The following ACOT1 variants were observed in gnomAD, a reference collection of about 807,000 sequenced individuals.
ACOT1 encodes the protein acyl-coenzyme A thioesterase 1.
ACOT1 carries 8 observed loss-of-function variants against 15.7 expected under a neutral mutation model. That is an observed-to-expected ratio of 0.51 (90% confidence interval 0.30 to 0.92). The LOEUF (loss-of-function observed/expected upper bound fraction) is 0.92. Ranked by LOEUF, ACOT1 falls within the 40% of genes least tolerant of loss-of-function variation. The pLI, the probability that ACOT1 is intolerant of heterozygous loss-of-function variation, is 0.06. For synonymous variants in ACOT1, 67 were observed against 241.2 expected (o/e 0.28, Z 6.69); for missense variants, 151 against 539.4 (o/e 0.28, Z 7.13).
the ACOT1 span, chr14:73,491,615 C>G: frequency 7.1e-6 from 11 of 1,547,276 alleles, no homozygotes; most frequent in Non-Finnish European, 7.0e-6. Context: ...CAGCAGCCGG[C>G]GGCGAGCGGC....
At chr14:73,510,423 T>A in the ACOT1 span, among the ~76,000 whole-genome samples, 4 of 145,094 alleles carry the variant, frequency 2.8e-5, no homozygotes, top group Non-Finnish European at 6.1e-5. Context: ...TTGGCTGGAG[T>A]TTTTTTGTTT....
the ACOT1 span, chr14:73,498,349 A>G: frequency 3.8e-6 from 6 of 1,587,716 alleles, no homozygotes; most frequent in South Asian, 6.7e-5. Context: ...CCAAAGCTGC[A>G]GAGATTAGAG....
chr14:73,498,368 G>A, the ACOT1 span: 1 of 1,557,722 alleles, frequency 6.4e-7, no homozygotes, highest in South Asian at 1.2e-5. Context: ...AGGGCAGCAT[G>A]TCACTGAAGA....
the ACOT1 span, among the ~76,000 whole-genome samples, chr14:73,498,576 A>G: frequency 1.3e-5 from 2 of 152,238 alleles, no homozygotes; most frequent in Non-Finnish European, 2.9e-5. Flanking sequence ...GAAATATAGA[A>G]CAAATAACAT....
At chr14:73,501,376 C>T in the ACOT1 span, among the ~76,000 whole-genome samples, 3 of 151,968 alleles carry the variant, frequency 2.0e-5, no homozygotes, top group African/African-American at 7.2e-5. Flanking sequence ...CTGCCCGCCT[C>T]GGCCTCCCAA....
upstream of ACOT1, among the ~76,000 whole-genome samples, chr14:73,536,963 C>T (rs1322836752): frequency 4.1e-5 from 4 of 98,594 alleles, 2 homozygotes; most frequent in Non-Finnish European, 8.9e-5. Flanking sequence ...AGCCTGGAGA[C>T]TGCTAGCTGC....
the ACOT1 span, among the ~76,000 whole-genome samples, chr14:73,504,052 G>T: frequency 6.6e-6 from 1 of 151,754 alleles, no homozygotes; most frequent in Non-Finnish European, 1.5e-5. Context: ...GATTGAGCTG[G>T]CTTAAGATGA....
chr14:73,541,839 G>A (rs1355726134), intron 2 of ACOT1, 144 bp downstream of exon 2: 1 of 590,998 alleles, frequency 1.7e-6, no homozygotes, highest in African/African-American at 2.0e-5. Flanking sequence ...CTTATAGACA[G>A]TTTCTTTCTT....
In ACOT1 at chr14:73,538,483, G is replaced by T. The variant is rs572466214; in HGVS notation, c.457+605G>T. On this transcript the variant is annotated intron_variant, in intron 1 of 2. Transcript: ENST00000311148. The stretch of plus-strand genomic sequence containing the variant: ...AAAAAATTAGCCGGGCGTGGTAGCG[G>T]GCGCCTGTCGTCCCAGCTACTCGGG... 3.6e-5 allele frequency among the ~76,000 whole-genome samples: 4 copies of T among 111,774 alleles called. No individual in the cohort carries two copies. In the South Asian group the frequency reaches 1.1e-3, roughly 32 times the overall value. The allele number at this position is 111,774 out of a possible 152,430, so 73.3% of individuals were successfully genotyped here. A position where few individuals can be genotyped will look rare whatever the true frequency, so the allele number is the denominator to read the frequency against.
the ACOT1 span, among the ~76,000 whole-genome samples, chr14:73,518,406 A>G: frequency 6.6e-6 from 1 of 151,782 alleles, no homozygotes; most frequent in Non-Finnish European, 1.5e-5. Flanking sequence ...TCTGTCTCCA[A>G]AAAAAGAAAA....
chr14:73,496,881 G>A, the ACOT1 span, among the ~76,000 whole-genome samples: 1 of 152,006 alleles, frequency 6.6e-6, no homozygotes, highest in Admixed American at 6.6e-5. Flanking sequence ...TATATTTGTG[G>A]GTTTTTTGTT....
chr14:73,491,018 A>G, the ACOT1 span: 5 of 1,497,012 alleles, frequency 3.3e-6, no homozygotes, highest in Non-Finnish European at 4.5e-6. Context: ...TGGTCTGGCC[A>G]TGGATGGGCT....
the ACOT1 span, among the ~76,000 whole-genome samples, chr14:73,500,989 C>T: frequency 6.6e-6 from 1 of 152,244 alleles, no homozygotes; most frequent in Non-Finnish European, 1.5e-5. Context: ...AAAATGTCAA[C>T]TTGCACCTCT....
At chr14:73,493,855 CAAAAA>C in the ACOT1 span, among the ~76,000 whole-genome samples, 2 of 152,048 alleles carry the variant, frequency 1.3e-5, no homozygotes, top group Admixed American at 6.6e-5. Flanking sequence ...AAAACAAAAA[CAAAAA>C]AGAATCTTAT....
the ACOT1 span, among the ~76,000 whole-genome samples, chr14:73,509,844 A>T: frequency 1.3e-4 from 9 of 70,702 alleles, no homozygotes; most frequent in South Asian, 4.0e-4. Flanking sequence ...ATATATATAT[A>T]TATATATATA....
chr14:73,503,542 A>G, the ACOT1 span, among the ~76,000 whole-genome samples: 1 of 152,184 alleles, frequency 6.6e-6, no homozygotes, highest in Non-Finnish European at 1.5e-5. Context: ...TGCTAGAAGT[A>G]TCTCCCTTCT....
the ACOT1 span, chr14:73,496,532 AG>A: frequency 1.1e-6 from 1 of 914,494 alleles, no homozygotes; most frequent in Non-Finnish European, 1.8e-6. Context: ...ATGTTTGAGG[AG>A]GACAGGGTCT....
At chr14:73,491,479 C>T in the ACOT1 span, 1 of 1,497,506 alleles carries the variant, frequency 6.7e-7, no homozygotes, top group Non-Finnish European at 8.9e-7. Flanking sequence ...CCGCGCAACA[C>T]TTAGCGGCCG....
At chr14:73,535,459 T>G (rs1888824187), upstream of ACOT1, among the ~76,000 whole-genome samples, 1 of 64,142 alleles carries the variant, frequency 1.6e-5, no homozygotes, top group Non-Finnish European at 3.3e-5. Context: ...TTCTTTTCTT[T>G]TTCTTCTTTC....
Sources: gnomAD v4.1 joint callset for allele counts (sites outside exome capture counted in the v4.1 genomes callset) on GRCh38, gnomAD v4.1.1 for gene constraint, MANE v1.5 for transcripts, NCBI Gene and HGNC (gene_info 2026-07-23, HGNC 2026-07-21) for gene names.